Variants in FRK observed in about 807,000 individuals in gnomAD.
FRK encodes fyn related Src family tyrosine kinase.
Under a neutral mutation model 56.4 loss-of-function variants are expected in FRK, and 51 were observed. The observed-to-expected ratio is 0.90, with a 90% CI of 0.72 to 1.14. The LOEUF is 1.14. Among genes scored for constraint, FRK ranks in the 50% most tolerant of loss-of-function variants. FRK has a pLI of 0.00. For missense variants in FRK, 570 were observed against 601.4 expected (o/e 0.95, Z 0.55); for synonymous variants, 245 against 217.9 (o/e 1.12, Z -1.10).
the FRK span, among the ~76,000 whole-genome samples, chr6:116,074,529 T>C: frequency 1.3e-5 from 2 of 152,166 alleles, no homozygotes. Flanking sequence ...ACTTTTAAAT[T>C]ATTTATTTAA....
In FRK at chr6:115,942,311, G is replaced by T; in HGVS notation, c.*103C>A. 3.2e-6 allele frequency: 3 copies of T among 950,288 alleles called. No individual in the cohort carries two copies. The highest frequency in any genetic ancestry group is 4.9e-6 in the Non-Finnish European group (3 of 617,320). The allele number at this position is 950,288 out of a possible 1,614,324, so 58.9% of individuals were successfully genotyped here. On this transcript the variant is annotated 3_prime_UTR_variant, in exon 8 of 8. Coordinates refer to ENST00000606080, the MANE Select transcript of FRK (RefSeq NM_002031.3). The stretch of plus-strand genomic sequence containing the variant: ...CAACTTTATCCTATCACTTGAATAT[G>T]TCAGGATAAACTGATTGTGCAGTTG...
At chr6:115,983,718 C>T (rs534305711) in intron 2 of FRK, among the ~76,000 whole-genome samples, 5 of 152,216 alleles carry the variant, frequency 3.3e-5, no homozygotes, top group Non-Finnish European at 7.4e-5. Context: ...TCAATTTGTC[C>T]TCTGCACTGC....
At chr6:116,039,144 T>C in intron 1 of FRK, 1 of 962,572 alleles carries the variant, frequency 1.0e-6, no homozygotes, top group Non-Finnish European at 1.7e-6. Flanking sequence ...GGGGAGAAGC[T>C]AGCTGAAAGG....
chr6:116,023,102 G>C (rs1040280558), intron 1 of FRK, among the ~76,000 whole-genome samples: 5 of 152,150 alleles, frequency 3.3e-5, no homozygotes, highest in African/African-American at 9.7e-5. Context: ...AAACCAACGT[G>C]AGATGGCAAT....
chr6:116,019,164 G>A (rs1398363411), intron 1 of FRK, among the ~76,000 whole-genome samples: 1 of 152,038 alleles, frequency 6.6e-6, no homozygotes, highest in Non-Finnish European at 1.5e-5. Flanking sequence ...GGTATTATTT[G>A]ATTAATTCCT....
chr6:115,995,908 T>A (rs182377114), intron 2 of FRK, among the ~76,000 whole-genome samples: 11 of 152,296 alleles, frequency 7.2e-5, no homozygotes, highest in Admixed American at 2.0e-4. Flanking sequence ...TAGGCAATGA[T>A]ATTTGCAATT....
intron 5 of FRK, among the ~76,000 whole-genome samples, chr6:115,947,918 G>A (rs781354229): frequency 6.6e-5 from 10 of 152,134 alleles, no homozygotes; most frequent in Non-Finnish European, 1.2e-4. Flanking sequence ...GTTACTAACC[G>A]TGAGCTATGT....
rs553872260 is a variant in FRK at position 115,932,491 on chromosome 6, A to C, written c.*9923T>G. ...TGGCAATTCCAATACCCAGGTGTAC[A>C]AACCTCATTTACTTTTACTTTAAGA... is the stretch of plus-strand genomic sequence containing the variant. On this transcript the variant is annotated 3_prime_UTR_variant, in exon 8 of 8. Coordinates refer to ENST00000606080, the MANE Select transcript of FRK (RefSeq NM_002031.3). The C allele has an allele frequency of 6.6e-6, 1 of 152,356 alleles. No individual in the cohort carries two copies. Among genetic ancestry groups the C allele is most frequent in the South Asian group, 2.1e-4 (1 of 4,828 alleles). 9.4% of individuals were successfully genotyped at this position (152,356 alleles called of 1,614,324 possible). A position where few individuals can be genotyped will look rare whatever the true frequency, so the allele number is the denominator to read the frequency against.
the FRK span, among the ~76,000 whole-genome samples, chr6:116,082,184 G>T: frequency 5.9e-5 from 9 of 152,212 alleles, no homozygotes; most frequent in Non-Finnish European, 1.3e-4. Flanking sequence ...AGGCTGGTTT[G>T]ATTGTAGCAG....
intron 1 of FRK, among the ~76,000 whole-genome samples, chr6:116,055,563 C>G (rs1562308592): frequency 6.6e-6 from 1 of 152,174 alleles, no homozygotes; most frequent in South Asian, 2.1e-4. Context: ...GCCCTCCTAC[C>G]CACAAAGGTA....
intron 1 of FRK, among the ~76,000 whole-genome samples, chr6:116,015,627 A>T (rs1435239186): frequency 3.3e-5 from 5 of 152,220 alleles, no homozygotes; most frequent in African/African-American, 1.2e-4. Context: ...CTTGTTGAAC[A>T]GTTTTGATCA....
chr6:115,955,882 G>A (rs1772964638), intron 5 of FRK, among the ~76,000 whole-genome samples: 1 of 152,086 alleles, frequency 6.6e-6, no homozygotes, highest in Non-Finnish European at 1.5e-5. Context: ...ATTTCATAAT[G>A]CCCTTCAGTC....
intron 5 of FRK, among the ~76,000 whole-genome samples, chr6:115,953,863 G>T (rs1772887275): frequency 6.6e-6 from 1 of 152,128 alleles, no homozygotes; most frequent in Non-Finnish European, 1.5e-5. Flanking sequence ...GCCAGACACT[G>T]TTCTAACTCT....
rs762906692 is a variant in FRK, at chr6:115,942,482, G to T, written c.1450C>A (p.Arg484Ser). 2 of 1,613,520 alleles carry T rather than the reference G, an allele frequency of 1.2e-6. No individual in the cohort carries two copies. Among genetic ancestry groups the T allele is most frequent in the Non-Finnish European group, 1.7e-6 (2 of 1,179,716 alleles). The stretch of plus-strand genomic sequence containing the variant: ...TCAAAATAGTCTTCAAGTTTCCAAC[G>T]CAGTGTCTCAAATGTAGGTCGTTCC... ...PKERPTFETLRWKLEDYFETD... is the reference protein window; with the variant it reads ...PKERPTFETLSWKLEDYFETD... The change falls in exon 8 of 8, where the codon CGT becomes AGT. Residue 484 changes from arginine to serine, a missense_variant. Physicochemically the swap from Arg to Ser is moderately radical, Grantham distance 110 (BLOSUM62 -1). Coordinates refer to ENST00000606080, the MANE Select transcript of FRK (RefSeq NM_002031.3).
chr6:116,018,359 A>T (rs1336586290), intron 1 of FRK, among the ~76,000 whole-genome samples: 1 of 152,220 alleles, frequency 6.6e-6, no homozygotes, highest in African/African-American at 2.4e-5. Context: ...TTTCTTTAGC[A>T]CATCAAATCC....
intron 1 of FRK, among the ~76,000 whole-genome samples, chr6:116,059,430 T>G (rs1470060334): frequency 6.6e-6 from 1 of 152,188 alleles, no homozygotes; most frequent in Admixed American, 6.5e-5. Flanking sequence ...TATCATGATG[T>G]CACTGAGAAC....
intron 1 of FRK, among the ~76,000 whole-genome samples, chr6:116,034,151 C>T (rs1456518136): frequency 6.6e-6 from 1 of 151,964 alleles, no homozygotes; most frequent in Admixed American, 6.6e-5. Flanking sequence ...TAAAAACATA[C>T]AGTTAGACAG....
the FRK span, among the ~76,000 whole-genome samples, chr6:116,077,918 G>C: frequency 2.0e-5 from 3 of 152,188 alleles, no homozygotes; most frequent in Admixed American, 6.5e-5. Context: ...CCAGCACTTT[G>C]GGAGGCCAAG....
At chr6:116,033,011 T>C (rs1391887052) in intron 1 of FRK, among the ~76,000 whole-genome samples, 1 of 152,268 alleles carries the variant, frequency 6.6e-6, no homozygotes, top group South Asian at 2.1e-4. Flanking sequence ...TGTTTATTAA[T>C]AACGTAGCCT....
Sources: gnomAD v4.1 joint callset for allele counts (sites outside exome capture counted in the v4.1 genomes callset) on GRCh38, gnomAD v4.1.1 for gene constraint, MANE v1.5 for transcripts, NCBI Gene and HGNC (gene_info 2026-07-23, HGNC 2026-07-21) for gene names.